Variants in AAK1 observed in about 807,000 individuals in gnomAD.
The protein encoded by AAK1 is AP2-associated protein kinase 1.
Under a neutral mutation model 116.0 loss-of-function variants are expected in AAK1, and 37 were observed. That is an observed-to-expected ratio of 0.32 (90% CI 0.25 to 0.42). The LOEUF is 0.42. AAK1 is among the 10% of genes least tolerant of loss of function. The pLI is 1.00. For missense variants in AAK1, 919 were observed against 1,170.6 expected, an observed-to-expected ratio of 0.79 and a Z score of 3.14; for synonymous variants, 458 against 439.9, an observed-to-expected ratio of 1.04 and a Z score of -0.51.
chr2:69,576,665 A>G (rs28532745), intron 2 of AAK1, among the ~76,000 whole-genome samples: 3,156 of 152,290 alleles, frequency 0.021, 92 homozygotes, highest in African/African-American at 0.069. Flanking sequence ...TAAGCATTCC[A>G]AAAACAAGTG....
chr2:69,554,323 C>T (rs1020296114), intron 3 of AAK1, among the ~76,000 whole-genome samples: 4 of 151,970 alleles, frequency 2.6e-5, no homozygotes, highest in African/African-American at 9.7e-5. Context: ...ATGGTTTACA[C>T]AACTTAAGGA....
In AAK1 at chr2:69,641,869, C is replaced by T. The variant is rs192357755; in HGVS notation, c.163+1009G>A. On this transcript the variant is annotated intron_variant, in intron 2 of 21. Transcript: ENST00000409085. ...ACCTCTCCCTTCTTCCAACCCCTCT[C>T]GGTCTATAACACAACCTACAGCAGG... Among the ~76,000 whole-genome samples the T allele has an allele frequency of 3.6e-3, 548 of 152,288 alleles. 1 individual carries two copies. The highest frequency in any genetic ancestry group is 7.5e-3 in the South Asian group (36 of 4,822).
chr2:69,576,410 G>A lies in AAK1; in HGVS notation c.164-19432C>T, dbSNP rs547801542. Among the ~76,000 whole-genome samples the A allele has an allele frequency of 5.3e-5, 8 of 151,912 alleles. No homozygotes were observed. The South Asian group carries it at 1.0e-3, about 20-fold the overall frequency. ...AATTATGTAGGTAAACTCGTGTCAC[G>A]GGGGTTTGTTGTACAGATCATTTCA... On this transcript the variant is annotated intron_variant, in intron 2 of 21. Transcript: ENST00000409085.
At chr2:69,511,230 T>C (rs1423231664) in intron 13 of AAK1, among the ~76,000 whole-genome samples, 2 of 152,150 alleles carry the variant, frequency 1.3e-5, no homozygotes, top group Non-Finnish European at 2.9e-5. Flanking sequence ...CTGAGACAGT[T>C]TAAGGAAACT....
intron 2 of AAK1, among the ~76,000 whole-genome samples, chr2:69,595,308 G>A (rs2105180157): frequency 6.6e-6 from 1 of 152,246 alleles, no homozygotes; most frequent in South Asian, 2.1e-4. Flanking sequence ...TAGAGACGGG[G>A]TTTCACCAAG....
chr2:69,576,463 A>G (rs2105132661), intron 2 of AAK1, among the ~76,000 whole-genome samples: 1 of 152,062 alleles, frequency 6.6e-6, no homozygotes, highest in South Asian at 2.1e-4. Flanking sequence ...CCAGTACCCA[A>G]TAGTTATCTT....
intron 18 of AAK1, chr2:69,482,184 T>G (rs1472995465): frequency 5.9e-6 from 1 of 169,788 alleles, no homozygotes; most frequent in East Asian, 1.7e-4. Context: ...AAACCCTATC[T>G]CTACTAAAAA....
intron 6 of AAK1, 87 bp downstream of exon 6, chr2:69,531,954 C>T: frequency 6.4e-7 from 1 of 1,558,394 alleles, no homozygotes; most frequent in African/African-American, 1.4e-5. Flanking sequence ...CCATTCTCTC[C>T]CCACCCTGAC....
At chr2:69,607,029 G>A (rs1375842829) in intron 2 of AAK1, among the ~76,000 whole-genome samples, 1 of 133,782 alleles carries the variant, frequency 7.5e-6, no homozygotes, top group Non-Finnish European at 1.5e-5. Context: ...TCACACAATT[G>A]CACTCCAGTC....
At chr2:69,583,680 A>C (rs1352371171) in intron 2 of AAK1, among the ~76,000 whole-genome samples, 1 of 151,854 alleles carries the variant, frequency 6.6e-6, no homozygotes, top group African/African-American at 2.4e-5. Flanking sequence ...CCAAAGACTC[A>C]CTCTCTTCAC....
chr2:69,589,708 C>CAAAAA (rs762986666), intron 2 of AAK1, among the ~76,000 whole-genome samples: 10 of 58,538 alleles, frequency 1.7e-4, no homozygotes, highest in Non-Finnish European at 2.5e-4. Flanking sequence ...AACTCTGTCT[C>CAAAAA]AAAAAAAAAA....
chr2:69,495,701 C>T (rs1391594126), intron 17 of AAK1, among the ~76,000 whole-genome samples: 2 of 152,028 alleles, frequency 1.3e-5, no homozygotes, highest in Non-Finnish European at 2.9e-5. Flanking sequence ...TACAGAGGCC[C>T]CTCACGTCAC....
chr2:69,582,937 G>A (rs996021575), intron 2 of AAK1, among the ~76,000 whole-genome samples: 1 of 152,150 alleles, frequency 6.6e-6, no homozygotes, highest in Non-Finnish European at 1.5e-5. Flanking sequence ...TATATCTGTT[G>A]ACTGTGCAGT....
chr2:69,585,799 T>C (rs966432606), intron 2 of AAK1, among the ~76,000 whole-genome samples: 1 of 152,218 alleles, frequency 6.6e-6, no homozygotes, highest in Non-Finnish European at 1.5e-5. Flanking sequence ...TTTCTAGCAA[T>C]GAAACTTGTT....
At chr2:69,508,419 T>G (rs1231830696) in intron 14 of AAK1, among the ~76,000 whole-genome samples, 1 of 152,196 alleles carries the variant, frequency 6.6e-6, no homozygotes, top group Non-Finnish European at 1.5e-5. Context: ...TTAACTTCAT[T>G]GAAAGATTTT....
At chr2:69,487,938 T>C (rs1461941732) in intron 17 of AAK1, among the ~76,000 whole-genome samples, 6 of 151,990 alleles carry the variant, frequency 3.9e-5, no homozygotes, top group African/African-American at 1.2e-4. Context: ...TATAGGCGCC[T>C]GCCACCACGC....
intron 2 of AAK1, among the ~76,000 whole-genome samples, chr2:69,620,226 A>G (rs910618883): frequency 1.3e-5 from 2 of 152,180 alleles, no homozygotes; most frequent in Non-Finnish European, 1.5e-5. Context: ...GAATGACAAG[A>G]GGTTTTTGGC....
chr2:69,483,299 T>C (rs1390152283), intron 17 of AAK1, among the ~76,000 whole-genome samples: 1 of 152,214 alleles, frequency 6.6e-6, no homozygotes, highest in African/African-American at 2.4e-5. Flanking sequence ...TTTCCAGAAT[T>C]TCCTATAAAT....
intron 6 of AAK1, chr2:69,531,778 A>G (rs1670267718): frequency 8.5e-7 from 1 of 1,176,558 alleles, no homozygotes; most frequent in African/African-American, 1.6e-5. Context: ...GACATCATAA[A>G]TCAAAACATC....
Sources: gnomAD v4.1 joint callset for allele counts (sites outside exome capture counted in the v4.1 genomes callset) on GRCh38, gnomAD v4.1.1 for gene constraint, MANE v1.5 for transcripts, NCBI Gene and HGNC (gene_info 2026-07-23, HGNC 2026-07-21) for gene names.